The following ARID1B variants were observed in gnomAD, a reference collection of about 807,000 sequenced individuals.
ARID1B encodes AT-rich interactive domain-containing protein 1B.
ARID1B carries 30 observed loss-of-function variants against 212.3 expected under a neutral mutation model. The ratio of observed to expected loss-of-function variants is 0.14; its 90% CI spans 0.11 to 0.19. The LOEUF (loss-of-function observed/expected upper bound fraction) is 0.19. ARID1B is among the 10% of genes least tolerant of loss of function. ARID1B has a pLI of 1.00. For missense variants in ARID1B, 2,891 were observed against 3,204.0 expected, an observed-to-expected ratio of 0.90 and a Z score of 2.36; for synonymous variants, 1,402 against 1,301.7, an observed-to-expected ratio of 1.08 and a Z score of -1.66.
chr6:156,964,016 G>A (rs1197613783), intron 4 of ARID1B, among the ~76,000 whole-genome samples: 11 of 152,362 alleles, frequency 7.2e-5, no homozygotes, highest in East Asian at 1.9e-4. Context: ...TCCACTGCTC[G>A]TTTGTTTCAG....
chr6:157,154,039 T>C (rs888898162), intron 8 of ARID1B, among the ~76,000 whole-genome samples: 1 of 152,236 alleles, frequency 6.6e-6, no homozygotes, highest in Non-Finnish European at 1.5e-5. Context: ...CCATGTGTCT[T>C]ACGTCCTTTT....
At chr6:156,871,658 T>C in intron 2 of ARID1B, 1 of 1,612,052 alleles carries the variant, frequency 6.2e-7, no homozygotes, top group Non-Finnish European at 8.5e-7. Flanking sequence ...GGTTGGCAAG[T>C]ATCTTCTTAC....
intron 3 of ARID1B, among the ~76,000 whole-genome samples, chr6:156,925,994 A>T (rs939392067): frequency 1.3e-5 from 2 of 152,240 alleles, no homozygotes; most frequent in Admixed American, 6.5e-5. Context: ...GGAGTCATAC[A>T]GCTGATGAAT....
intron 4 of ARID1B, among the ~76,000 whole-genome samples, chr6:156,991,647 A>T (rs1778284951): frequency 6.6e-6 from 1 of 152,222 alleles, no homozygotes; most frequent in African/African-American, 2.4e-5. Flanking sequence ...AACTTCAGTA[A>T]ATTAAAGGAT....
chr6:156,832,926 C>T (rs1389527510), intron 2 of ARID1B, among the ~76,000 whole-genome samples: 2 of 152,142 alleles, frequency 1.3e-5, no homozygotes. Flanking sequence ...TTAACTGGAA[C>T]TAGATTTGTG....
rs1789928673 is a variant in ARID1B at position 157,148,050 on chromosome 6, AGAAAG to A, written c.2762-573_2762-569del. ...CTCGATCTGGTACTCAAGCAAAAAA[AGAAAG>A]AAAGAAAGAAAAATATTATTCCCAA... On this transcript the variant is annotated intron_variant, in intron 7 of 19. Coordinates refer to ENST00000636930, the MANE Select transcript of ARID1B (RefSeq NM_001374828.1). The surrounding 1 kb of genome is among the most constrained non-coding windows in gnomAD (Gnocchi z 5.6). Among the ~76,000 whole-genome samples, 2 of 151,300 alleles carry A rather than the reference AGAAAG, an allele frequency of 1.3e-5. No individual in the cohort carries two copies. Among genetic ancestry groups the A allele is most frequent in the South Asian group, 4.2e-4 (2 of 4,736 alleles).
chr6:156,802,895 T>A (rs368087282), intron 1 of ARID1B, among the ~76,000 whole-genome samples: 4 of 152,328 alleles, frequency 2.6e-5, no homozygotes, highest in African/African-American at 9.6e-5. Flanking sequence ...TATTTGTGTA[T>A]GTACACAATA....
chr6:156,952,845 C>G (rs1294359440), intron 4 of ARID1B, among the ~76,000 whole-genome samples: 1 of 152,198 alleles, frequency 6.6e-6, no homozygotes, highest in Non-Finnish European at 1.5e-5. Flanking sequence ...TGTGTGTTTG[C>G]TGGCCAGGCT....
intron 2 of ARID1B, among the ~76,000 whole-genome samples, chr6:156,868,622 A>T (rs12213563): frequency 0.13 from 20,389 of 152,172 alleles, 1,795 homozygotes; most frequent in Non-Finnish European, 0.19. Flanking sequence ...TAAGGGCTTC[A>T]GTACCATTCA....
chr6:157,167,538 T>C (rs1021604557), intron 9 of ARID1B: 3 of 175,612 alleles, frequency 1.7e-5, no homozygotes, highest in African/African-American at 7.1e-5. Flanking sequence ...AGACAAACAT[T>C]TCGAATTCAC....
chr6:156,777,889 G>A lies in ARID1B; in HGVS notation c.209G>A (p.Ser70Asn), dbSNP rs1011341457. ...GGCGACGGCGGCGGCGGCCTGAACA[G>A]TGTGCACCACCACCCCCTGCTCCCC... ...GGGDGGGGLNSVHHHPLLPRH... is the reference protein window; with the variant it reads ...GGGDGGGGLNNVHHHPLLPRH... The change falls in exon 1 of 20, where the codon AGT (serine) becomes AAT (asparagine). Residue 70 changes from serine to asparagine, a missense_variant. Around this residue, in one of 7 missense-constraint regions of ARID1B, gnomAD observed 1,643 missense variants for 1,544.0 expected, o/e 1.06. Transcript: ENST00000636930. 20 of 1,480,108 alleles carry A rather than the reference G, an allele frequency of 1.4e-5. No homozygotes were observed. The African/African-American group carries it at 2.6e-4, about 19-fold the overall frequency. The allele number at this position is 1,480,108 out of a possible 1,614,324, so 91.7% of individuals were successfully genotyped here.
intron 2 of ARID1B, among the ~76,000 whole-genome samples, chr6:156,890,216 T>C (rs1787817995): frequency 6.6e-6 from 1 of 152,214 alleles, no homozygotes; most frequent in Non-Finnish European, 1.5e-5. Flanking sequence ...TACTATTCAC[T>C]TCAGCTGTGA....
intron 2 of ARID1B, among the ~76,000 whole-genome samples, chr6:156,890,552 G>T (rs1019615197): frequency 2.0e-5 from 3 of 152,146 alleles, no homozygotes; most frequent in Non-Finnish European, 2.9e-5. Flanking sequence ...AATGTTTATG[G>T]CCCAGAAGTT....
chr6:157,196,404 A>G (rs1477920389), intron 16 of ARID1B, 89 bp downstream of exon 16: 2 of 1,465,046 alleles, frequency 1.4e-6, no homozygotes, highest in Non-Finnish European at 1.8e-6. Context: ...CAGCTGAGCC[A>G]CTGATGACAA....
chr6:156,808,032 T>G (rs1781300144), intron 1 of ARID1B, among the ~76,000 whole-genome samples: 1 of 152,200 alleles, frequency 6.6e-6, no homozygotes, highest in Non-Finnish European at 1.5e-5. Context: ...ATGAGTGTGC[T>G]ATAAAAATAC....
Position 157,207,173 on chromosome 6 carries a change from A to T in ARID1B, c.6401A>T (p.Glu2134Val), listed in dbSNP as rs1238364765. 6.2e-7 allele frequency: 1 copy of T among 1,613,974 alleles called. No individual in the cohort carries two copies. The highest frequency in any genetic ancestry group is 8.5e-7 in the Non-Finnish European group (1 of 1,180,006). ...AAGGGGGTGGCCTGCAGCAAAGATG[A>T]GTGGTGGTGGGACTGCCTCGAGGTC... ...EDKGVACSKDEWWWDCLEVLR... is the reference protein window; with the variant it reads ...EDKGVACSKDVWWWDCLEVLR... The change falls in exon 20 of 20, where the codon GAG becomes GTG. Residue 2134 changes from glutamate to valine, a missense_variant. Coordinates refer to ENST00000636930, the MANE Select transcript of ARID1B (RefSeq NM_001374828.1). This position sits in a 1 kb window ranked among gnomAD's most constrained non-coding sequence, Gnocchi z 8.5.
intron 4 of ARID1B, among the ~76,000 whole-genome samples, chr6:157,066,360 A>G (rs750248354): frequency 4.6e-5 from 7 of 152,220 alleles, no homozygotes; most frequent in African/African-American, 7.2e-5. Flanking sequence ...TGGTTTTACT[A>G]TTCTTCCTTC....
At chr6:156,962,573 C>A (rs889353754) in intron 4 of ARID1B, among the ~76,000 whole-genome samples, 4 of 152,116 alleles carry the variant, frequency 2.6e-5, no homozygotes, top group Non-Finnish European at 5.9e-5. Flanking sequence ...CTCACCGCTT[C>A]CCGGGCTAAA....
At chr6:156,956,690 G>A (rs1008499307) in intron 4 of ARID1B, among the ~76,000 whole-genome samples, 5 of 152,188 alleles carry the variant, frequency 3.3e-5, no homozygotes, top group Non-Finnish European at 5.9e-5. Context: ...TTTGTTTATA[G>A]CATGTGTAGC....
Sources: allele counts gnomAD v4.1 joint callset (sites outside exome capture counted in the v4.1 genomes callset), GRCh38; gene constraint gnomAD v4.1.1; regional missense constraint gnomAD v4.1.1; non-coding constraint Gnocchi (gnomAD v3.1); transcripts MANE v1.5; gene names NCBI Gene and HGNC (gene_info 2026-07-23, HGNC 2026-07-21).